Variants in DTNA observed in about 807,000 individuals in gnomAD.
DTNA encodes the protein dystrophin-related protein 3.
Under a neutral mutation model 100.7 loss-of-function variants are expected in DTNA, and 43 were observed. The observed-to-expected ratio is 0.43, with a 90% confidence interval of 0.33 to 0.55. DTNA has a LOEUF of 0.55. DTNA is among the 20% of genes least tolerant of loss of function. The probability of loss-of-function intolerance (pLI) is 0.04; values close to 1 mark genes in which losing one functional copy is unlikely to be tolerated. For missense variants in DTNA, 798 were observed against 953.9 expected, an observed-to-expected ratio of 0.84 and a Z score of 2.15; for synonymous variants, 349 against 347.9, an observed-to-expected ratio of 1.00 and a Z score of -0.04.
At position 34,851,939 on chromosome 18, in the gene DTNA, G is replaced by A. The variant is rs1450315773; in HGVS notation, c.1532+11G>A. 1 of 1,613,178 alleles carries A rather than the reference G, an allele frequency of 6.2e-7. No individual in the cohort carries two copies. Among genetic ancestry groups the A allele is most frequent in the South Asian group, 1.1e-5 (1 of 91,040 alleles). The stretch of plus-strand genomic sequence containing the variant: ...AGAAAACAAGAACAGGTGAGACTTT[G>A]TAGACGTGCTGGCTTGTTTGATCAA... On this transcript the variant is annotated intron_variant, in intron 15 of 22. Coordinates refer to ENST00000444659, the MANE Select transcript of DTNA (RefSeq NM_001386795.1).
intron 1 of DTNA, among the ~76,000 whole-genome samples, chr18:34,618,678 A>G (rs1388905208): frequency 2.0e-5 from 3 of 152,188 alleles, no homozygotes; most frequent in African/African-American, 7.2e-5. Context: ...AAACAATGTC[A>G]TGTTGTGATA....
chr18:34,579,296 G>T (rs768558510), intron 1 of DTNA, among the ~76,000 whole-genome samples: 3 of 152,270 alleles, frequency 2.0e-5, no homozygotes, highest in Admixed American at 1.3e-4. Context: ...TGAATAGATA[G>T]GTAGGTAGAT....
Position 34,617,756 on chromosome 18 carries a change from A to T in DTNA, c.-2+124242A>T, listed in dbSNP as rs555945240. 1.6e-3 allele frequency among the ~76,000 whole-genome samples: 239 copies of T among 152,236 alleles called. 1 individual carries two copies. Among genetic ancestry groups the T allele is most frequent in the Non-Finnish European group, 2.5e-3 (170 of 67,988 alleles). On this transcript the variant is annotated intron_variant, in intron 1 of 19. Transcript: ENST00000283365. ...CAGCTGTGACAATAAAGTATTTTTA[A>T]TTAAGGTATCTACATTATTTTTTAG...
intron 5 of DTNA, among the ~76,000 whole-genome samples, chr18:34,806,570 C>T (rs2095366343): frequency 6.6e-6 from 1 of 152,182 alleles, no homozygotes; most frequent in Non-Finnish European, 1.5e-5. Context: ...GTAAAATAAG[C>T]ACTCTTTGCA....
At chr18:34,775,301 A>G (rs1385817005) in intron 3 of DTNA, among the ~76,000 whole-genome samples, 1 of 152,140 alleles carries the variant, frequency 6.6e-6, no homozygotes, top group Non-Finnish European at 1.5e-5. Flanking sequence ...CCTGGTGAAC[A>G]CTGGGAAACC....
chr18:34,741,121 A>G (rs1290676106), intron 1 of DTNA, among the ~76,000 whole-genome samples: 3 of 152,222 alleles, frequency 2.0e-5, no homozygotes, highest in Admixed American at 2.0e-4. Flanking sequence ...TTTATATTAT[A>G]GTAAGAATAA....
At chr18:34,829,196 G>A (rs1017966489) in intron 10 of DTNA, 35 of 1,585,920 alleles carry the variant, frequency 2.2e-5, no homozygotes, top group African/African-American at 2.7e-5. Flanking sequence ...CCCATTTTCA[G>A]TCATTTTGGA....
At chr18:34,820,723 C>A in intron 8 of DTNA, 68 bp from the exon 9 acceptor site, 2 of 1,606,086 alleles carry the variant, frequency 1.2e-6, no homozygotes. Context: ...TTATGAAAAG[C>A]AAATCATTTG....
rs570012191 is a variant in DTNA at position 34,817,382 on chromosome 18, G to C, written c.710-782G>C. ...TGTTTTAGTATCTAGCTCATAGCATGTAGACAATTACTTGGATTTGATCAC... is the reference window on the plus strand; with the variant it reads ...TGTTTTAGTATCTAGCTCATAGCATCTAGACAATTACTTGGATTTGATCAC... On this transcript the variant is annotated intron_variant, in intron 7 of 22. Transcript: ENST00000444659. 2.0e-5 allele frequency among the ~76,000 whole-genome samples: 3 copies of C among 152,236 alleles called. No individual in the cohort carries two copies. In the South Asian group the frequency reaches 6.2e-4, roughly 32 times the overall value.
intron 1 of DTNA, among the ~76,000 whole-genome samples, chr18:34,669,416 G>A (rs1194798492): frequency 6.6e-6 from 1 of 152,086 alleles, no homozygotes; most frequent in Admixed American, 6.5e-5. Flanking sequence ...GGAGTATTTA[G>A]CCCATTTACA....
chr18:34,608,242 C>G (rs2053528624), intron 1 of DTNA, among the ~76,000 whole-genome samples: 1 of 152,182 alleles, frequency 6.6e-6, no homozygotes, highest in African/African-American at 2.4e-5. Flanking sequence ...GATAGGCAGC[C>G]TGACCTATGA....
At chr18:34,703,932 TC>T (rs2081757109) in intron 1 of DTNA, among the ~76,000 whole-genome samples, 1 of 152,194 alleles carries the variant, frequency 6.6e-6, no homozygotes, top group South Asian at 2.1e-4. Flanking sequence ...CTATGTGTTT[TC>T]TTGAACCACA....
At chr18:34,701,168 G>A (rs763195894) in intron 1 of DTNA, among the ~76,000 whole-genome samples, 6 of 151,960 alleles carry the variant, frequency 3.9e-5, no homozygotes, top group Non-Finnish European at 8.8e-5. Flanking sequence ...ATTTGCTCTC[G>A]TACAAATTAA....
At chr18:34,592,351 T>C (rs2049819642) in intron 1 of DTNA, among the ~76,000 whole-genome samples, 1 of 152,094 alleles carries the variant, frequency 6.6e-6, no homozygotes, top group Non-Finnish European at 1.5e-5. Context: ...AGTTAATTAA[T>C]GGTGATTTAA....
At chr18:34,742,596 G>A (rs2090860048) in intron 1 of DTNA, among the ~76,000 whole-genome samples, 1 of 47,572 alleles carries the variant, frequency 2.1e-5, no homozygotes, top group South Asian at 8.1e-4. Context: ...TCACAAATTT[G>A]GGGGGGTTAA....
At chr18:34,753,361 A>ATTTATTTTTTTTTTTTTTT (rs1568412397) in intron 1 of DTNA, among the ~76,000 whole-genome samples, 1 of 96,890 alleles carries the variant, frequency 1.0e-5, no homozygotes, top group African/African-American at 5.3e-5. Flanking sequence ...TTATTTATTT[A>ATTTATTTTTTTTTTTTTTT]TTTTATTTTT....
intron 1 of DTNA, among the ~76,000 whole-genome samples, chr18:34,602,106 A>G (rs1169535234): frequency 6.6e-6 from 1 of 152,222 alleles, no homozygotes; most frequent in African/African-American, 2.4e-5. Flanking sequence ...CTCGAATAGC[A>G]TTTATATTAT....
Position 34,889,463 on chromosome 18 carries a change from T to C in DTNA, c.*1729T>C. On this transcript the variant is annotated 3_prime_UTR_variant, in exon 23 of 23. Transcript: ENST00000444659. The stretch of plus-strand genomic sequence containing the variant: ...TATAATAAAGTCTCTGAAAAGGCCT[T>C]ATTCAGAATAAGCAAGAAAGGTTCT... 1 of 985,424 alleles carries C rather than the reference T, an allele frequency of 1.0e-6. No homozygotes were observed. 61.0% of individuals were successfully genotyped at this position (985,424 alleles called of 1,614,324 possible). A position where few individuals can be genotyped will look rare whatever the true frequency, so the allele number is the denominator to read the frequency against.
At chr18:34,796,507 C>T (rs2094976475) in intron 4 of DTNA, among the ~76,000 whole-genome samples, 2 of 152,102 alleles carry the variant, frequency 1.3e-5, no homozygotes, top group Admixed American at 1.3e-4. Flanking sequence ...CATGAATGAT[C>T]CTGATACTAC....
Sources: allele counts gnomAD v4.1 joint callset (sites outside exome capture counted in the v4.1 genomes callset), GRCh38; gene constraint gnomAD v4.1.1; transcripts MANE v1.5; gene names NCBI Gene and HGNC (gene_info 2026-07-23, HGNC 2026-07-21).